The following AOPEP variants were observed in gnomAD, a reference collection of about 807,000 sequenced individuals.
The protein encoded by AOPEP is aminopeptidase O.
A neutral mutation model predicts 98.1 loss-of-function variants in AOPEP; 77 were observed. The ratio of observed to expected loss-of-function variants is 0.78; its 90% CI spans 0.65 to 0.95. AOPEP has a LOEUF of 0.95. Among genes scored for constraint, AOPEP ranks in the 40% least tolerant of loss-of-function variants. The probability of loss-of-function intolerance (pLI) is 0.00; values close to 1 mark genes in which losing one functional copy is unlikely to be tolerated. For synonymous variants in AOPEP, 346 were observed against 365.3 expected (o/e 0.95, Z 0.60); for missense variants, 1,024 against 1,024.7 (o/e 1.00, Z 0.01).
chr9:94,863,482 A>G (rs896810691), intron 5 of AOPEP, among the ~76,000 whole-genome samples: 3 of 151,868 alleles, frequency 2.0e-5, no homozygotes, highest in Non-Finnish European at 2.9e-5. Context: ...GGGTTTTGCC[A>G]TGTTGGCTAG....
At chr9:95,026,307 A>G (rs900288733) in intron 13 of AOPEP, among the ~76,000 whole-genome samples, 2 of 152,212 alleles carry the variant, frequency 1.3e-5, no homozygotes, top group African/African-American at 2.4e-5. Context: ...AAACATTTCC[A>G]TCATCCCAGA....
intron 1 of AOPEP, among the ~76,000 whole-genome samples, chr9:94,742,321 A>G (rs1483267368): frequency 6.6e-6 from 1 of 152,194 alleles, no homozygotes; most frequent in Non-Finnish European, 1.5e-5. Context: ...AGGCCTCTAG[A>G]GCTGTGCTCC....
At chr9:94,888,828 G>A (rs1253635448) in intron 5 of AOPEP, among the ~76,000 whole-genome samples, 1 of 152,178 alleles carries the variant, frequency 6.6e-6, no homozygotes, top group Non-Finnish European at 1.5e-5. Flanking sequence ...ACACTGATGA[G>A]ACTACAACAG....
chr9:94,969,560 A>G (rs1193312485), intron 10 of AOPEP, among the ~76,000 whole-genome samples: 2 of 151,816 alleles, frequency 1.3e-5, no homozygotes, highest in Non-Finnish European at 2.9e-5. Context: ...GGCGCCCGCC[A>G]CCACGCCCGG....
downstream of AOPEP, among the ~76,000 whole-genome samples, chr9:95,088,254 G>A (rs1236184343): frequency 1.3e-5 from 2 of 151,766 alleles, no homozygotes; most frequent in African/African-American, 2.4e-5. Flanking sequence ...TTGTTGCGCA[G>A]GCTGGAATGC....
At chr9:94,803,415 TTA>T (rs1338919151) in intron 5 of AOPEP, among the ~76,000 whole-genome samples, 2 of 152,218 alleles carry the variant, frequency 1.3e-5, no homozygotes, top group Non-Finnish European at 2.9e-5. Context: ...ATTAATCATG[TTA>T]AGCAGTTTCT....
At chr9:94,818,719 G>A (rs1279514684) in intron 5 of AOPEP, among the ~76,000 whole-genome samples, 1 of 152,218 alleles carries the variant, frequency 6.6e-6, no homozygotes, top group Non-Finnish European at 1.5e-5. Flanking sequence ...TAAAGGCCGG[G>A]CGCGGTGGCT....
chr9:94,771,665 A>G (rs1840912421), intron 2 of AOPEP, among the ~76,000 whole-genome samples: 1 of 152,002 alleles, frequency 6.6e-6, no homozygotes, highest in Admixed American at 6.6e-5. Flanking sequence ...TTACTTCTGT[A>G]ACGTATTTCT....
the AOPEP span, chr9:95,126,421 C>CT: frequency 1.4e-5 from 16 of 1,112,364 alleles, no homozygotes; most frequent in African/African-American, 3.1e-5. Flanking sequence ...ATCAGAAACT[C>CT]TAATTTCCCC....
intron 2 of AOPEP, among the ~76,000 whole-genome samples, chr9:94,761,990 A>G (rs954623790): frequency 6.6e-6 from 1 of 152,212 alleles, no homozygotes; most frequent in Non-Finnish European, 1.5e-5. Context: ...TTTGAACTAG[A>G]ATAATGAGGA....
At chr9:95,098,616 A>ATCAC in the AOPEP span, among the ~76,000 whole-genome samples, 1 of 152,190 alleles carries the variant, frequency 6.6e-6, no homozygotes, top group South Asian at 2.1e-4. Context: ...CCTTGGCCGC[A>ATCAC]TCACTCATGC....
At chr9:94,781,987 C>T (rs969854774) in intron 3 of AOPEP, among the ~76,000 whole-genome samples, 5 of 150,922 alleles carry the variant, frequency 3.3e-5, no homozygotes, top group Admixed American at 6.6e-5. Flanking sequence ...GTCAGGAGAT[C>T]GAGACCATCC....
chr9:95,057,665 T>C (rs372380809), intron 13 of AOPEP, among the ~76,000 whole-genome samples: 2 of 152,362 alleles, frequency 1.3e-5, no homozygotes, highest in East Asian at 3.9e-4. Context: ...GAAAGATGCT[T>C]TATTAGTTTT....
In AOPEP at chr9:94,980,883, T is replaced by C. The variant is rs997770139; in HGVS notation, c.1977+1456T>C. Among the ~76,000 whole-genome samples the C allele has an allele frequency of 6.0e-5, 9 of 150,772 alleles. No individual in the cohort carries two copies. The highest frequency in any genetic ancestry group is 2.2e-4 in the African/African-American group (9 of 41,386). The stretch of plus-strand genomic sequence containing the variant: ...TGTCTAGGTGTGAATAACCAACCCT[T>C]TTCCTTCATGTTTCAGATGGGAGTG... On this transcript the variant is annotated intron_variant, in intron 11 of 16. Coordinates refer to ENST00000375315, the MANE Select transcript of AOPEP (RefSeq NM_001193329.3). The surrounding 1 kb of genome is among the most constrained non-coding windows in gnomAD (Gnocchi z 4.3).
intron 1 of AOPEP, among the ~76,000 whole-genome samples, chr9:94,735,917 A>G (rs68091393): frequency 0.052 from 7,895 of 152,302 alleles, 230 homozygotes; most frequent in Admixed American, 0.077. Flanking sequence ...ATCATAGAAT[A>G]TGTGGCCCTT....
At chr9:94,802,170 GGA>G (rs1476729220) in intron 5 of AOPEP, among the ~76,000 whole-genome samples, 1 of 151,936 alleles carries the variant, frequency 6.6e-6, no homozygotes, top group African/African-American at 2.4e-5. Flanking sequence ...TTTTCTTAAT[GGA>G]GGGGGGGGCT....
intron 13 of AOPEP, among the ~76,000 whole-genome samples, chr9:95,026,503 T>C (rs1219474280): frequency 6.6e-6 from 1 of 152,264 alleles, no homozygotes; most frequent in Non-Finnish European, 1.5e-5. Flanking sequence ...TTGAGGTGCA[T>C]GCATGTCGCA....
chr9:94,846,284 G>A (rs2042857587), intron 5 of AOPEP, among the ~76,000 whole-genome samples: 1 of 152,160 alleles, frequency 6.6e-6, no homozygotes, highest in South Asian at 2.1e-4. Flanking sequence ...GGACTGAGCT[G>A]TGGTGTCAGG....
intron 5 of AOPEP, among the ~76,000 whole-genome samples, chr9:94,919,891 T>C (rs1327829402): frequency 6.6e-6 from 1 of 152,200 alleles, no homozygotes; most frequent in Non-Finnish European, 1.5e-5. Context: ...TATCATGGGA[T>C]ATTGGGCTGC....
Sources: allele counts gnomAD v4.1 joint callset (sites outside exome capture counted in the v4.1 genomes callset), GRCh38; gene constraint gnomAD v4.1.1; non-coding constraint Gnocchi (gnomAD v3.1); transcripts MANE v1.5; gene names NCBI Gene and HGNC (gene_info 2026-07-23, HGNC 2026-07-21).